The following MBNL3 variants were observed in gnomAD, a reference collection of about 807,000 sequenced individuals.
MBNL3 encodes the protein muscleblind like splicing regulator 3.
In MBNL3, 6 loss-of-function variants were observed where a neutral mutation model predicts 24.5. That is an observed-to-expected ratio of 0.25 (90% CI 0.13 to 0.48). The LOEUF is 0.48. Ranked by LOEUF, MBNL3 falls within the 20% of genes least tolerant of loss-of-function variation. The pLI, the probability that MBNL3 is intolerant of heterozygous loss-of-function variation, is 0.99. For synonymous variants in MBNL3, 100 were observed against 101.7 expected (o/e 0.98, Z 0.10); for missense variants, 230 against 293.5 (o/e 0.78, Z 1.58).
chrX:132,418,750 T>C (rs1309224207), intron 2 of MBNL3, among the ~76,000 whole-genome samples: 2 of 111,950 alleles, frequency 1.8e-5, no homozygotes, highest in African/African-American at 6.5e-5. Context: ...CAATTGAATG[T>C]GTTTGTTTTT....
chrX:132,476,730 T>G (rs1947459548), intron 1 of MBNL3, among the ~76,000 whole-genome samples: 1 of 112,136 alleles, frequency 8.9e-6, no homozygotes, highest in African/African-American at 3.2e-5. Context: ...GGTGTTTAGT[T>G]GGCTTGAGCA....
chrX:132,462,716 T>G (rs905612247), intron 1 of MBNL3, among the ~76,000 whole-genome samples: 4 of 109,558 alleles, frequency 3.7e-5, no homozygotes, highest in Non-Finnish European at 7.6e-5. Context: ...GTGTGTGTGT[T>G]GTTATTTTTG....
At chrX:132,485,785 G>A (rs1022285885) in intron 1 of MBNL3, among the ~76,000 whole-genome samples, 10 of 112,258 alleles carry the variant, frequency 8.9e-5, no homozygotes, top group South Asian at 7.4e-4. Context: ...GCTGAGGCTC[G>A]GGTTTCTTTC....
At chrX:132,396,347 T>TATATATATTCATATATATTC (rs1556294195) in intron 3 of MBNL3, among the ~76,000 whole-genome samples, 2 of 44,614 alleles carry the variant, frequency 4.5e-5, no homozygotes, top group African/African-American at 4.1e-4. Flanking sequence ...TATATATTCA[T>TATATATATTCATATATATTC]ATATATATAT....
chrX:132,387,957 T>C (rs1388135947), intron 5 of MBNL3, among the ~76,000 whole-genome samples: 1 of 111,800 alleles, frequency 8.9e-6, no homozygotes, highest in Non-Finnish European at 1.9e-5. Context: ...AGTTTAACAT[T>C]ACTTTACATT....
chrX:132,393,144 T>C (rs1937465745), intron 3 of MBNL3, among the ~76,000 whole-genome samples: 1 of 110,851 alleles, frequency 9.0e-6, no homozygotes, highest in Non-Finnish European at 1.9e-5. Flanking sequence ...ACACTCTAAT[T>C]ATACTCTTTT....
At chrX:132,446,263 C>T (rs1479734059) in intron 1 of MBNL3, among the ~76,000 whole-genome samples, 2 of 111,986 alleles carry the variant, frequency 1.8e-5, no homozygotes, top group Non-Finnish European at 3.8e-5. Context: ...CATACATGTG[C>T]ATGTGTCTTT....
At chrX:132,392,009 A>G (rs2148121048) in intron 4 of MBNL3, 134 bp downstream of exon 4, 1 of 484,458 alleles carries the variant, frequency 2.1e-6, no homozygotes, top group Admixed American at 4.3e-5. Flanking sequence ...GCAGTACTAA[A>G]ATGTTTAACA....
At chrX:132,489,678 A>C, upstream of MBNL3, 1 of 93,387 alleles carries the variant, frequency 1.1e-5, no homozygotes, top group Non-Finnish European at 2.1e-5. Flanking sequence ...AGGCGCCAAA[A>C]CGGAAACTCC....
At chrX:132,466,339 T>G (rs1158757341) in intron 1 of MBNL3, among the ~76,000 whole-genome samples, 3 of 112,162 alleles carry the variant, frequency 2.7e-5, no homozygotes, top group Non-Finnish European at 5.6e-5. Context: ...ATTTCCACTT[T>G]TTACAGTTTG....
At chrX:132,450,913 ACAGT>A (rs993359671) in intron 1 of MBNL3, among the ~76,000 whole-genome samples, 1 of 112,181 alleles carries the variant, frequency 8.9e-6, no homozygotes, top group Admixed American at 9.4e-5. Context: ...TTTCCTTCTA[ACAGT>A]CAGGCCTCTC....
In MBNL3 at chrX:132,374,548, G is replaced by C. The variant is rs1387323831; in HGVS notation, c.*5118C>G. On this transcript the variant is annotated 3_prime_UTR_variant, in exon 9 of 9. Transcript: ENST00000370853. ...GAGCAAAAACACCCTCCTTTTCAAA[G>C]CCTTAGAAATAACTCTCTCTTACTA... 3.6e-5 allele frequency: 4 copies of C among 110,931 alleles called. No homozygotes were observed. The allele number at this position is 110,931 out of a possible 1,213,427, so 9.1% of individuals were successfully genotyped here. A position where few individuals can be genotyped will look rare whatever the true frequency, so the allele number is the denominator to read the frequency against.
chrX:132,415,409 G>A (rs1471046996), intron 2 of MBNL3, among the ~76,000 whole-genome samples: 1 of 112,055 alleles, frequency 8.9e-6, no homozygotes, highest in Non-Finnish European at 1.9e-5. Context: ...TTATTGTTCA[G>A]ATTTAAACAA....
chrX:132,471,061 C>T (rs1008317149), intron 1 of MBNL3, among the ~76,000 whole-genome samples: 2 of 111,089 alleles, frequency 1.8e-5, no homozygotes, highest in South Asian at 7.7e-4. Context: ...TAAATAAGAA[C>T]GCTAAATTCA....
chrX:132,437,957 CA>C, intron 2 of MBNL3: 2 of 552,631 alleles, frequency 3.6e-6, no homozygotes, highest in Non-Finnish European at 4.4e-6. Flanking sequence ...CAAAAAAAAA[CA>C]AAAAACAAAA....
chrX:132,423,680 A>G (rs1350647983), intron 2 of MBNL3, among the ~76,000 whole-genome samples: 2 of 111,738 alleles, frequency 1.8e-5, no homozygotes, highest in East Asian at 2.8e-4. Flanking sequence ...TTTCCTAATG[A>G]AAAAAAGTAA....
chrX:132,483,547 T>TACAAAACAAAAGGTG (rs201829336), intron 1 of MBNL3, among the ~76,000 whole-genome samples: 1,524 of 112,215 alleles, frequency 0.014, 26 homozygotes, highest in African/African-American at 0.045. Context: ...AGCTGAGTAC[T>TACAAAACAAAAGGTG]ACAAAACAAA....
At position 132,450,491 on chromosome X, in the gene MBNL3, C is replaced by T. The variant is rs1304127335; in HGVS notation, c.-703-10177G>A. On this transcript the variant is annotated intron_variant, in intron 1 of 8. Coordinates refer to ENST00000370853, the MANE Select transcript of MBNL3 (RefSeq NM_001386889.1). ...ACTTTTGTATGCTTCACAAAGTTCT[C>T]GTGCTGTGTTTTTCAGCTCCATCAG... 8.0e-5 allele frequency among the ~76,000 whole-genome samples: 9 copies of T among 111,845 alleles called. No homozygotes were observed. The East Asian group carries it at 2.0e-3, about 25-fold the overall frequency.
Position 132,433,604 on chromosome X carries a change from T to C in MBNL3, c.177+5831A>G, listed in dbSNP as rs746346132. On this transcript the variant is annotated intron_variant, in intron 2 of 8. Coordinates refer to ENST00000370853, the MANE Select transcript of MBNL3 (RefSeq NM_001386889.1). ...TTATTTGTCTTCGTGGAAATTATTC[T>C]CTTTTCCACTTAAAAAATATAAAGA... Among the ~76,000 whole-genome samples the C allele has an allele frequency of 2.7e-5, 3 of 112,509 alleles. No individual in the cohort carries two copies. In the South Asian group the frequency reaches 1.1e-3, roughly 42 times the overall value.
Sources: allele counts gnomAD v4.1 joint callset (sites outside exome capture counted in the v4.1 genomes callset), GRCh38; gene constraint gnomAD v4.1.1; transcripts MANE v1.5; gene names NCBI Gene and HGNC (gene_info 2026-07-23, HGNC 2026-07-21).